Variants in ZNF654 observed in about 807,000 individuals in gnomAD.
ZNF654 encodes melanoma-associated antigen.
A neutral mutation model predicts 95.3 loss-of-function variants in ZNF654; 19 were observed. The ratio of observed to expected loss-of-function variants is 0.20; its 90% CI spans 0.14 to 0.29. The LOEUF (loss-of-function observed/expected upper bound fraction) is 0.29, where lower values mean the gene tolerates loss of function less well. Among genes scored for constraint, ZNF654 ranks in the 10% least tolerant of loss-of-function variants. The probability of loss-of-function intolerance (pLI) is 1.00; values close to 1 mark genes in which losing one functional copy is unlikely to be tolerated. For synonymous variants in ZNF654, 413 were observed against 457.9 expected, an observed-to-expected ratio of 0.90 and a Z score of 1.25; for missense variants, 1,046 against 1,341.0, an observed-to-expected ratio of 0.78 and a Z score of 3.44.
chr3:88,095,917 ACTC>A (rs1282529479), intron 2 of ZNF654: 2 of 400,188 alleles, frequency 5.0e-6, no homozygotes, highest in Non-Finnish European at 4.7e-6. Flanking sequence ...TCCACAGTCT[ACTC>A]CTCTTCATTC....
rs756887505 is a variant in ZNF654, at chr3:88,126,235, T to C, written c.516T>C (p.Ala172=). The C allele has an allele frequency of 1.6e-5, 25 of 1,528,824 alleles. No individual in the cohort carries two copies. Among genetic ancestry groups the C allele is most frequent in the Non-Finnish European group, 2.2e-5 (25 of 1,142,450 alleles). The allele number at this position is 1,528,824 out of a possible 1,614,324, so 94.7% of individuals were successfully genotyped here. A position where few individuals can be genotyped will look rare whatever the true frequency, so the allele number is the denominator to read the frequency against. Residue 172 remains alanine, a synonymous_variant, in exon 4 of 9, where the codon GCT becomes GCC. Transcript: ENST00000636215. ...GGPWEDPVLQ[A]VLKAQPASQE... is the part of the protein sequence containing the mutation. ...CATGGGAAGATCCAGTGTTGCAAGCTGTCCTTAAAGCTCAGCCAGCATCTC... is the reference window on the plus strand; with the variant it reads ...CATGGGAAGATCCAGTGTTGCAAGCCGTCCTTAAAGCTCAGCCAGCATCTC...
intron 1 of ZNF654, among the ~76,000 whole-genome samples, chr3:88,061,936 T>C (rs548298891): frequency 2.6e-5 from 4 of 152,288 alleles, no homozygotes; most frequent in Non-Finnish European, 5.9e-5. Context: ...TGGTTTATCT[T>C]CCTCTTTTTA....
intron 7 of ZNF654, 21 bp from the exon 8 acceptor site, chr3:88,138,684 C>A (rs1706952831): frequency 8.2e-7 from 1 of 1,219,730 alleles, no homozygotes; most frequent in Non-Finnish European, 1.0e-6. Flanking sequence ...GTATTTAGCA[C>A]TAATATTTTT....
intron 1 of ZNF654, among the ~76,000 whole-genome samples, chr3:88,082,578 G>C (rs181347246): frequency 6.6e-6 from 1 of 152,196 alleles, no homozygotes; most frequent in African/African-American, 2.4e-5. Context: ...AGAATAATAC[G>C]GACGTGAATA....
intron 2 of ZNF654, among the ~76,000 whole-genome samples, chr3:88,098,444 C>T (rs1409349533): frequency 6.6e-6 from 1 of 152,126 alleles, no homozygotes; most frequent in African/African-American, 2.4e-5. Flanking sequence ...CTATTCCAAT[C>T]AATAGAAAAA....
At chr3:88,072,623 C>T (rs1350755787) in intron 1 of ZNF654, among the ~76,000 whole-genome samples, 2 of 152,234 alleles carry the variant, frequency 1.3e-5, no homozygotes, top group South Asian at 4.2e-4. Flanking sequence ...GAGGCCTTCC[C>T]TGAACACCCC....
intron 2 of ZNF654, among the ~76,000 whole-genome samples, chr3:88,104,356 T>G (rs1261144845): frequency 1.3e-5 from 2 of 152,208 alleles, no homozygotes; most frequent in East Asian, 3.8e-4. Context: ...GGCTAGATAT[T>G]TTAGACTCAT....
intron 3 of ZNF654, 128 bp downstream of exon 3, chr3:88,113,324 AGATCCT>A (rs1705204306): frequency 1.9e-6 from 1 of 517,610 alleles, no homozygotes; most frequent in African/African-American, 2.0e-5. Context: ...ACAGTGTTTA[AGATCCT>A]ATTATTACTG....
chr3:88,076,716 C>A (rs1707823915), intron 1 of ZNF654, among the ~76,000 whole-genome samples: 1 of 152,196 alleles, frequency 6.6e-6, no homozygotes, highest in Non-Finnish European at 1.5e-5. Flanking sequence ...CTTGTCCATG[C>A]ACCAATTTTA....
intron 1 of ZNF654, among the ~76,000 whole-genome samples, chr3:88,070,046 A>G (rs1321136253): frequency 2.6e-5 from 4 of 152,212 alleles, no homozygotes; most frequent in Middle Eastern, 3.2e-3. Flanking sequence ...TAAAATTTAC[A>G]TATATTCCAT....
intron 2 of ZNF654, among the ~76,000 whole-genome samples, chr3:88,096,631 G>GA (rs1455871490): frequency 6.6e-6 from 1 of 152,058 alleles, no homozygotes; most frequent in Non-Finnish European, 1.5e-5. Flanking sequence ...TTCTTCTGAT[G>GA]AAAAATCTGC....
intron 2 of ZNF654, among the ~76,000 whole-genome samples, chr3:88,091,596 C>T (rs1708633308): frequency 1.3e-5 from 2 of 152,110 alleles, no homozygotes; most frequent in Admixed American, 1.3e-4. Context: ...TATGGTTTCA[C>T]TGTGTCCCCA....
At chr3:88,106,987 A>C (rs1178226742) in intron 2 of ZNF654, among the ~76,000 whole-genome samples, 1 of 152,202 alleles carries the variant, frequency 6.6e-6, no homozygotes, top group Non-Finnish European at 1.5e-5. Flanking sequence ...TCGTGTGCCA[A>C]CACAATGTTG....
At chr3:88,078,106 GA>G (rs1309898060) in intron 1 of ZNF654, among the ~76,000 whole-genome samples, 1 of 152,118 alleles carries the variant, frequency 6.6e-6, no homozygotes, top group African/African-American at 2.4e-5. Flanking sequence ...AAACTATTGT[GA>G]ATATCGGACT....
At chr3:88,081,357 A>G (rs1708065051) in intron 1 of ZNF654, among the ~76,000 whole-genome samples, 1 of 152,120 alleles carries the variant, frequency 6.6e-6, no homozygotes, top group Non-Finnish European at 1.5e-5. Context: ...CTGTTGATAA[A>G]TGTCTTGGGG....
chr3:88,113,012 T>G, intron 2 of ZNF654, 103 bp from the exon 3 acceptor site: 1 of 740,738 alleles, frequency 1.3e-6, no homozygotes, highest in East Asian at 2.9e-5. Flanking sequence ...ACCAAAATAT[T>G]TTAAGTCAAA....
chr3:88,107,232 T>C (rs552592782), intron 2 of ZNF654, among the ~76,000 whole-genome samples: 3 of 152,328 alleles, frequency 2.0e-5, no homozygotes, highest in Non-Finnish European at 4.4e-5. Flanking sequence ...ACACTAACGC[T>C]GAATGAATGC....
Position 88,141,011 on chromosome 3 carries a change from A to G in ZNF654, c.3342A>G (p.Lys1114=). 1 of 1,610,748 alleles carries G rather than the reference A, an allele frequency of 6.2e-7. No individual in the cohort carries two copies. The highest frequency in any genetic ancestry group is 2.2e-5 in the East Asian group (1 of 44,858). ...TTGAGGCTCATCTTGCACAAAAGAA[A>G]TGTCAGACACTCTTTGGATTTGATT... ...EALEAHLAQK[K]CQTLFGFDSD... The change falls in exon 8 of 9, where the codon AAA becomes AAG. Residue 1114 remains lysine (K), a synonymous_variant. Transcript: ENST00000636215.
intron 6 of ZNF654, among the ~76,000 whole-genome samples, chr3:88,134,068 A>G (rs554739409): frequency 6.6e-6 from 1 of 151,904 alleles, no homozygotes; most frequent in Non-Finnish European, 1.5e-5. Context: ...GTAGGAAGGT[A>G]TGAAACCTTG....
Sources: gnomAD v4.1 joint callset for allele counts (sites outside exome capture counted in the v4.1 genomes callset) on GRCh38, gnomAD v4.1.1 for gene constraint, MANE v1.5 for transcripts, NCBI Gene and HGNC (gene_info 2026-07-23, HGNC 2026-07-21) for gene names.